Variants in DGKB observed in about 807,000 individuals in gnomAD.
DGKB encodes the protein diacylglycerol kinase beta, also known as 90 kDa diacylglycerol kinase.
Under a neutral mutation model 114.3 loss-of-function variants are expected in DGKB, and 67 were observed. The ratio of observed to expected loss-of-function variants is 0.59; its 90% CI spans 0.48 to 0.72. The LOEUF (loss-of-function observed/expected upper bound fraction) is 0.72, where lower values mean the gene tolerates loss of function less well. DGKB is among the 30% of genes least tolerant of loss of function. DGKB has a pLI of 0.00. For missense variants in DGKB, 907 were observed against 975.2 expected (o/e 0.93, Z 0.93); for synonymous variants, 398 against 323.1 (o/e 1.23, Z -2.49).
chr7:14,474,516 T>C (rs1314005929), intron 21 of DGKB, among the ~76,000 whole-genome samples: 1 of 152,244 alleles, frequency 6.6e-6, no homozygotes, highest in Non-Finnish European at 1.5e-5. Context: ...GAAGTCCTTT[T>C]CAATGTTACA....
chr7:14,342,026 G>A (rs568633288), intron 22 of DGKB, among the ~76,000 whole-genome samples: 2 of 151,850 alleles, frequency 1.3e-5, no homozygotes, highest in Non-Finnish European at 2.9e-5. Context: ...GGACACATGG[G>A]GCAGAGACTA....
chr7:14,704,016 T>C (rs1563962594), intron 6 of DGKB, among the ~76,000 whole-genome samples: 2 of 151,982 alleles, frequency 1.3e-5, no homozygotes, highest in Non-Finnish European at 2.9e-5. Context: ...AAAAATAGAA[T>C]TCTTACTAAC....
intron 17 of DGKB, among the ~76,000 whole-genome samples, chr7:14,605,324 ACTAT>A (rs1804280008): frequency 1.3e-5 from 2 of 149,782 alleles, no homozygotes; most frequent in African/African-American, 4.9e-5. Context: ...TACGTAAAAA[ACTAT>A]CTACCTATAT....
chr7:14,305,244 T>C (rs1277981873), intron 23 of DGKB, among the ~76,000 whole-genome samples: 2 of 152,162 alleles, frequency 1.3e-5, no homozygotes, highest in Admixed American at 1.3e-4. Flanking sequence ...TCTAACTGTA[T>C]TTTTGTACCC....
chr7:14,875,807 G>T (rs1205655137), intron 1 of DGKB, among the ~76,000 whole-genome samples: 8 of 151,882 alleles, frequency 5.3e-5, no homozygotes, highest in Non-Finnish European at 8.8e-5. Context: ...AAAACATTAT[G>T]AGGTTTTTTT....
At chr7:14,561,045 C>T (rs141789726) in intron 20 of DGKB, among the ~76,000 whole-genome samples, 16 of 152,188 alleles carry the variant, frequency 1.1e-4, no homozygotes, top group East Asian at 3.9e-4. Context: ...CTAGGTGATA[C>T]GGTATGGCTG....
chr7:14,392,642 T>A (rs1233983750), intron 21 of DGKB, among the ~76,000 whole-genome samples: 1 of 152,164 alleles, frequency 6.6e-6, no homozygotes, highest in Non-Finnish European at 1.5e-5. Flanking sequence ...ACAGAATGAA[T>A]TAACTGAGTG....
intron 6 of DGKB, among the ~76,000 whole-genome samples, chr7:14,708,997 G>C (rs1211898268): frequency 1.3e-5 from 2 of 149,772 alleles, no homozygotes; most frequent in African/African-American, 2.5e-5. Flanking sequence ...CTTCTGCACA[G>C]CAAAAGAAAC....
At chr7:14,665,951 C>A (rs1817945377) in intron 13 of DGKB, among the ~76,000 whole-genome samples, 1 of 151,810 alleles carries the variant, frequency 6.6e-6, no homozygotes, top group African/African-American at 2.4e-5. Flanking sequence ...TTATGTACTA[C>A]CCAAAATAAT....
intron 23 of DGKB, among the ~76,000 whole-genome samples, chr7:14,285,085 T>C (rs1277597826): frequency 6.6e-6 from 1 of 151,976 alleles, no homozygotes; most frequent in African/African-American, 2.4e-5. Context: ...ACTTAGTGAG[T>C]GATATTTTCT....
chr7:14,225,103 C>T (rs1790579895), intron 23 of DGKB, among the ~76,000 whole-genome samples: 2 of 152,094 alleles, frequency 1.3e-5, no homozygotes, highest in Admixed American at 1.3e-4. Flanking sequence ...TCATCATTAC[C>T]TTCACTGTTT....
intron 21 of DGKB, among the ~76,000 whole-genome samples, chr7:14,392,689 G>A (rs10259349): frequency 0.071 from 10,857 of 152,142 alleles, 1,292 homozygotes; most frequent in African/African-American, 0.25. Flanking sequence ...CTCAGAAAGT[G>A]GAGAGTAGTT....
intron 21 of DGKB, among the ~76,000 whole-genome samples, chr7:14,366,603 C>CA (rs1165466597): frequency 2.0e-5 from 3 of 151,938 alleles, no homozygotes; most frequent in Non-Finnish European, 4.4e-5. Context: ...TAATACATGA[C>CA]AAAAAAATTG....
At position 14,584,587 on chromosome 7, in the gene DGKB, G is replaced by A. The variant is rs112771715; in HGVS notation, c.1434-1450C>T. Among the ~76,000 whole-genome samples, 1,096 of 152,176 alleles carry A rather than the reference G, an allele frequency of 7.2e-3. 15 individuals carry two copies. The highest frequency in any genetic ancestry group is 0.023 in the African/African-American group (974 of 41,528). On this transcript the variant is annotated intron_variant, in intron 17 of 25. Transcript: ENST00000402815. ...ATATTTTTATACATTTCCTGGAGAT[G>A]CGTAACCTGTCCTATGAAAAGAACA... is the stretch of plus-strand genomic sequence containing the variant.
upstream of DGKB, among the ~76,000 whole-genome samples, chr7:14,903,910 C>T (rs2128240716): frequency 6.6e-6 from 1 of 152,224 alleles, no homozygotes; most frequent in Admixed American, 6.5e-5. Flanking sequence ...TTGCTCTTAA[C>T]TTATCTATAT....
intron 19 of DGKB, among the ~76,000 whole-genome samples, chr7:14,574,904 C>T (rs1281539278): frequency 1.3e-5 from 2 of 152,152 alleles, no homozygotes; most frequent in Non-Finnish European, 2.9e-5. Context: ...ATTCTGTCTA[C>T]TCAGGGTGTC....
Position 14,317,426 on chromosome 7 carries a change from C to A in DGKB, c.2122+21089G>T, listed in dbSNP as rs890737351. Among the ~76,000 whole-genome samples, 171 of 148,478 alleles carry A rather than the reference C, an allele frequency of 1.2e-3. 1 individual carries two copies. The highest frequency in any genetic ancestry group is 4.2e-3 in the African/African-American group (170 of 40,398). On this transcript the variant is annotated intron_variant, in intron 23 of 25. Transcript: ENST00000402815. ...AAAATCTCCTTAAGCTGATAAGCAA[C>A]TTCAGCAAAGTCTCAGGATACAAAA...
chr7:14,643,820 T>A (rs186304162), intron 13 of DGKB, among the ~76,000 whole-genome samples: 1 of 152,278 alleles, frequency 6.6e-6, no homozygotes, highest in Non-Finnish European at 1.5e-5. Context: ...AGTGCCCCAA[T>A]GTGTGCCATC....
chr7:14,147,412 G>A lies in DGKB; in HGVS notation c.*1719C>T, dbSNP rs1257694911. On this transcript the variant is annotated 3_prime_UTR_variant, in exon 26 of 26. Transcript: ENST00000402815. ...CAGGAACACTAAAAGAATACACTTTGTACGTAATCTTCCATTATAGCACAT... is the reference window on the plus strand; with the variant it reads ...CAGGAACACTAAAAGAATACACTTTATACGTAATCTTCCATTATAGCACAT... 1.3e-5 allele frequency: 2 copies of A among 152,092 alleles called. No individual in the cohort carries two copies. The highest frequency in any genetic ancestry group is 2.4e-5 in the African/African-American group (1 of 41,440). The allele number at this position is 152,092 out of a possible 1,614,324, so 9.4% of individuals were successfully genotyped here. A position where few individuals can be genotyped will look rare whatever the true frequency, so the allele number is the denominator to read the frequency against.
Sources: allele counts gnomAD v4.1 joint callset (sites outside exome capture counted in the v4.1 genomes callset), GRCh38; gene constraint gnomAD v4.1.1; transcripts MANE v1.5; gene names NCBI Gene and HGNC (gene_info 2026-07-23, HGNC 2026-07-21).